The following CAMK1D variants were observed in gnomAD, a reference collection of about 807,000 sequenced individuals.
The protein encoded by CAMK1D is calcium/calmodulin-dependent protein kinase type 1D.
Under a neutral mutation model 47.7 loss-of-function variants are expected in CAMK1D, and 9 were observed. The observed-to-expected ratio is 0.19, with a 90% confidence interval of 0.11 to 0.33. The LOEUF is 0.33. Ranked by LOEUF, CAMK1D falls within the 10% of genes least tolerant of loss-of-function variation. The probability of loss-of-function intolerance (pLI) is 1.00; values close to 1 mark genes in which losing one functional copy is unlikely to be tolerated. For missense variants in CAMK1D, 291 were observed against 488.7 expected (o/e 0.60, Z 3.81); for synonymous variants, 184 against 184.9 (o/e 0.99, Z 0.04).
chr10:12,728,226 T>G (rs1000700869), intron 3 of CAMK1D, among the ~76,000 whole-genome samples: 1 of 152,260 alleles, frequency 6.6e-6, no homozygotes, highest in African/African-American at 2.4e-5. Flanking sequence ...TGTAGCAGCT[T>G]TGCATTTTTG....
chr10:12,426,438 G>A (rs182144443), intron 1 of CAMK1D, among the ~76,000 whole-genome samples: 1 of 152,270 alleles, frequency 6.6e-6, no homozygotes, highest in Admixed American at 6.5e-5. Context: ...TAGACACGGG[G>A]TTTCTCCATA....
intron 2 of CAMK1D, among the ~76,000 whole-genome samples, chr10:12,620,397 G>A (rs772301592): frequency 5.3e-5 from 8 of 152,230 alleles, no homozygotes; most frequent in Non-Finnish European, 1.2e-4. Context: ...TAATGTGTGA[G>A]TGATCGTTTC....
At chr10:12,575,860 A>G (rs763311005) in intron 2 of CAMK1D, among the ~76,000 whole-genome samples, 5 of 152,194 alleles carry the variant, frequency 3.3e-5, no homozygotes, top group Admixed American at 6.5e-5. Flanking sequence ...CACAAAATAG[A>G]CCAAGAATTT....
intron 1 of CAMK1D, among the ~76,000 whole-genome samples, chr10:12,474,859 G>A (rs930373759): frequency 5.1e-5 from 6 of 118,384 alleles, no homozygotes; most frequent in South Asian, 2.8e-4. Context: ...TTGGTTTTGC[G>A]TTCCTGCATT....
chr10:12,821,739 C>T (rs1833019135), intron 8 of CAMK1D, among the ~76,000 whole-genome samples: 1 of 152,180 alleles, frequency 6.6e-6, no homozygotes, highest in South Asian at 2.1e-4. Context: ...CTTTGGGAGG[C>T]CAAGGCAGGC....
chr10:12,511,299 C>A (rs1160638362), intron 1 of CAMK1D, among the ~76,000 whole-genome samples: 1 of 152,112 alleles, frequency 6.6e-6, no homozygotes, highest in African/African-American at 2.4e-5. Flanking sequence ...TCCTGGGGAA[C>A]TTTAAAAATT....
chr10:12,588,048 G>A (rs893211971), intron 2 of CAMK1D, among the ~76,000 whole-genome samples: 74 of 152,252 alleles, frequency 4.9e-4, no homozygotes, highest in South Asian at 1.0e-3. Context: ...GTGTTGAAAT[G>A]AGTTGGTAGA....
intron 2 of CAMK1D, among the ~76,000 whole-genome samples, chr10:12,580,525 C>T (rs1272194475): frequency 2.0e-5 from 3 of 152,048 alleles, no homozygotes. Context: ...ACTTTGTATG[C>T]AGAACTCTTA....
At chr10:12,578,504 A>G (rs1363645961) in intron 2 of CAMK1D, among the ~76,000 whole-genome samples, 1 of 143,972 alleles carries the variant, frequency 6.9e-6, no homozygotes, top group Non-Finnish European at 1.5e-5. Flanking sequence ...CGGGAGGCGG[A>G]GGTTGCTATG....
intron 2 of CAMK1D, among the ~76,000 whole-genome samples, chr10:12,635,852 G>A (rs1187406957): frequency 3.3e-5 from 5 of 152,098 alleles, no homozygotes; most frequent in Admixed American, 1.3e-4. Flanking sequence ...ACTCCATTGA[G>A]CATTTTATTA....
In CAMK1D at chr10:12,670,897, C is replaced by T. The variant is rs76911804; in HGVS notation, c.299+4087C>T. Among the ~76,000 whole-genome samples the T allele has an allele frequency of 1.9e-3, 290 of 152,264 alleles. 8 individuals are homozygous for T. The East Asian group carries it at 0.053, about 28-fold the overall frequency. On this transcript the variant is annotated intron_variant, in intron 3 of 10. Coordinates refer to ENST00000619168, the MANE Select transcript of CAMK1D (RefSeq NM_153498.4). ...CAAGGTTATGCATCCATCACTACAA[C>T]CTAATTTTAGGACATTTTTGTCCCT...
chr10:12,764,381 C>CAAAAAAAAAAAAAAAAAAA (rs56657709), intron 4 of CAMK1D, among the ~76,000 whole-genome samples: 3 of 77,984 alleles, frequency 3.8e-5, no homozygotes, highest in African/African-American at 1.5e-4. Context: ...CACTTTGTCT[C>CAAAAAAAAAAAAAAAAAAA]AAAAAAAAAA....
At chr10:12,681,351 C>T (rs1330741084) in intron 3 of CAMK1D, among the ~76,000 whole-genome samples, 1 of 152,268 alleles carries the variant, frequency 6.6e-6, no homozygotes, top group African/African-American at 2.4e-5. Context: ...CAAATCCCTT[C>T]CAGCCTCCCC....
At chr10:12,638,803 A>G (rs560020575) in intron 2 of CAMK1D, among the ~76,000 whole-genome samples, 1 of 152,314 alleles carries the variant, frequency 6.6e-6, no homozygotes, top group Non-Finnish European at 1.5e-5. Context: ...TAAATGTGGA[A>G]GAACAGTGGG....
chr10:12,455,597 C>A (rs968584089), intron 1 of CAMK1D, among the ~76,000 whole-genome samples: 3 of 152,132 alleles, frequency 2.0e-5, no homozygotes, highest in African/African-American at 2.4e-5. Flanking sequence ...AAAAGTTGTT[C>A]GTTTTTTCCC....
chr10:12,583,824 C>T (rs1053654205), intron 2 of CAMK1D, among the ~76,000 whole-genome samples: 1 of 152,154 alleles, frequency 6.6e-6, no homozygotes, highest in Non-Finnish European at 1.5e-5. Context: ...TGGTCTCGAT[C>T]TCCTGACCTC....
intron 1 of CAMK1D, among the ~76,000 whole-genome samples, chr10:12,407,779 C>G (rs544220301): frequency 1.3e-5 from 2 of 152,056 alleles, no homozygotes; most frequent in African/African-American, 2.4e-5. Context: ...CTAGGTACTT[C>G]CCCCCCGGGA....
intron 2 of CAMK1D, among the ~76,000 whole-genome samples, chr10:12,627,374 T>C (rs986980204): frequency 2.6e-5 from 4 of 152,210 alleles, no homozygotes; most frequent in African/African-American, 9.6e-5. Flanking sequence ...CGTGAGCCAC[T>C]GCGCCTGGCA....
chr10:12,566,330 G>C (rs1479899435), intron 2 of CAMK1D, among the ~76,000 whole-genome samples: 1 of 152,134 alleles, frequency 6.6e-6, no homozygotes, highest in Non-Finnish European at 1.5e-5. Context: ...TCTTGAAATA[G>C]GAGACAGAGG....
Sources: allele counts gnomAD v4.1 joint callset (sites outside exome capture counted in the v4.1 genomes callset), GRCh38; gene constraint gnomAD v4.1.1; transcripts MANE v1.5; gene names NCBI Gene and HGNC (gene_info 2026-07-23, HGNC 2026-07-21).